PCDH11Y: variants seen among roughly 807,000 people sequenced by gnomAD.
The protein encoded by PCDH11Y is protocadherin-11 Y-linked.
For missense variants in PCDH11Y, 12 were observed against 224.8 expected, an observed-to-expected ratio of 0.05 and a Z score of 6.05; for synonymous variants, 9 against 83.6, an observed-to-expected ratio of 0.11 and a Z score of 4.87.
At chrY:5,140,717 C>CA (rs1412757068) in intron 2 of PCDH11Y, among the ~76,000 whole-genome samples, 206 of 26,564 alleles carry the variant, frequency 7.8e-3, no homozygotes, top group African/African-American at 0.023. Flanking sequence ...ATATTTACTG[C>CA]AAAAAAAAAA....
At chrY:5,519,593 T>A in intron 3 of PCDH11Y, among the ~76,000 whole-genome samples, 1 of 31,777 alleles carries the variant, frequency 3.1e-5, no homozygotes, top group Non-Finnish European at 7.6e-5. Context: ...TATCTCATTA[T>A]TTTAGCGGTG....
intron 4 of PCDH11Y, among the ~76,000 whole-genome samples, chrY:5,734,064 G>T: frequency 3.0e-5 from 1 of 32,831 alleles, no homozygotes; most frequent in Non-Finnish European, 7.5e-5. Context: ...AACAAGGGGG[G>T]TGTTGCTCAG....
intron 4 of PCDH11Y, among the ~76,000 whole-genome samples, chrY:5,603,915 G>GA (rs2053476179): frequency 3.9e-5 from 1 of 25,733 alleles, no homozygotes; most frequent in African/African-American, 1.6e-4. Context: ...AAGAAAGAAA[G>GA]AAAGAAAGAA....
chrY:5,263,700 C>G, intron 2 of PCDH11Y, among the ~76,000 whole-genome samples: 1 of 33,115 alleles, frequency 3.0e-5, no homozygotes, highest in African/African-American at 1.2e-4. Flanking sequence ...TTGGAGGCAC[C>G]AACACTGTGA....
intron 4 of PCDH11Y, among the ~76,000 whole-genome samples, chrY:5,614,718 T>G (rs2124701387): frequency 3.4e-5 from 1 of 29,753 alleles, no homozygotes; most frequent in South Asian, 7.3e-4. Context: ...TAAGATAAAT[T>G]TATTATGTAT....
intron 2 of PCDH11Y, among the ~76,000 whole-genome samples, chrY:5,249,193 A>G: frequency 3.1e-5 from 1 of 32,316 alleles, no homozygotes; most frequent in East Asian, 8.2e-4. Flanking sequence ...TTAAACTACC[A>G]TTGACATTCT....
intron 1 of PCDH11Y, among the ~76,000 whole-genome samples, chrY:5,005,241 C>A: frequency 6.0e-5 from 2 of 33,465 alleles, no homozygotes; most frequent in African/African-American, 2.3e-4. Context: ...TTGTTGTTTG[C>A]ATTTAAATGA....
At chrY:5,528,470 C>T in intron 3 of PCDH11Y, among the ~76,000 whole-genome samples, 1 of 32,963 alleles carries the variant, frequency 3.0e-5, no homozygotes, top group Non-Finnish European at 7.5e-5. Context: ...TATGGGTGAA[C>T]ATATGTGTGC....
At chrY:5,327,037 T>C in intron 2 of PCDH11Y, among the ~76,000 whole-genome samples, 3 of 32,677 alleles carry the variant, frequency 9.2e-5, no homozygotes, top group Non-Finnish European at 7.5e-5. Flanking sequence ...GTTTGGGAGA[T>C]TAATCGGACA....
intron 1 of PCDH11Y, among the ~76,000 whole-genome samples, chrY:5,094,387 T>C (rs2124634382): frequency 6.2e-5 from 2 of 32,390 alleles, no homozygotes; most frequent in Non-Finnish European, 1.5e-4. Flanking sequence ...ATGTTGGTAC[T>C]ATACTTTGAC....
intron 2 of PCDH11Y, among the ~76,000 whole-genome samples, chrY:5,445,568 G>GT (rs2053287133): frequency 4.1e-5 from 1 of 24,404 alleles, no homozygotes; most frequent in African/African-American, 1.6e-4. Context: ...TTCTTTCTTT[G>GT]TTTTTAAATT....
intron 4 of PCDH11Y, among the ~76,000 whole-genome samples, chrY:5,623,394 C>G: frequency 3.1e-5 from 1 of 31,993 alleles, no homozygotes; most frequent in African/African-American, 1.2e-4. Context: ...TTTCATGACT[C>G]ACATAGTAAG....
chrY:5,270,634 T>C, intron 2 of PCDH11Y, among the ~76,000 whole-genome samples: 1 of 32,871 alleles, frequency 3.0e-5, no homozygotes, highest in Non-Finnish European at 7.5e-5. Context: ...CCAACGATGG[T>C]GTGCTGCAGC....
intron 2 of PCDH11Y, among the ~76,000 whole-genome samples, chrY:5,303,488 T>A: frequency 3.1e-5 from 1 of 32,465 alleles, no homozygotes; most frequent in Non-Finnish European, 7.5e-5. Context: ...TATCCATTTA[T>A]CATAATACTT....
chrY:5,038,173 A>G, intron 3 of PCDH11Y, among the ~76,000 whole-genome samples: 1 of 32,754 alleles, frequency 3.1e-5, no homozygotes, highest in East Asian at 8.0e-4. Flanking sequence ...GACATTGGAG[A>G]TGGATTAAGA....
At chrY:5,026,958 A>G in intron 1 of PCDH11Y, among the ~76,000 whole-genome samples, 1 of 32,894 alleles carries the variant, frequency 3.0e-5, no homozygotes, top group African/African-American at 1.2e-4. Flanking sequence ...GAGTAGTTTC[A>G]CACTAAAATG....
chrY:5,446,273 C>G (rs2053287674), intron 2 of PCDH11Y, among the ~76,000 whole-genome samples: 1 of 33,483 alleles, frequency 3.0e-5, no homozygotes, highest in African/African-American at 1.2e-4. Flanking sequence ...AAATCACCAC[C>G]ATTTGCAAAT....
intron 1 of PCDH11Y, among the ~76,000 whole-genome samples, chrY:5,066,201 T>A: frequency 3.5e-5 from 1 of 28,375 alleles, no homozygotes; most frequent in Non-Finnish European, 8.3e-5. Flanking sequence ...AAGAATTCAT[T>A]TAAAATAGTT....
At chrY:5,554,452 A>G in intron 3 of PCDH11Y, among the ~76,000 whole-genome samples, 1 of 34,030 alleles carries the variant, frequency 2.9e-5, no homozygotes, top group African/African-American at 1.2e-4. Context: ...AATGTTAATC[A>G]CCAAGACAAT....
Sources: allele counts gnomAD v4.1 joint callset (sites outside exome capture counted in the v4.1 genomes callset), GRCh38; gene constraint gnomAD v4.1.1; transcripts MANE v1.5; gene names NCBI Gene and HGNC (gene_info 2026-07-23, HGNC 2026-07-21).